Variants in ZNF334 observed in about 807,000 individuals in gnomAD.
ZNF334 encodes the protein zinc finger protein 334.
Under a neutral mutation model 12.4 loss-of-function variants are expected in ZNF334, and 14 were observed. The observed-to-expected ratio is 1.13, with a 90% CI of 0.74 to 1.76. The LOEUF (loss-of-function observed/expected upper bound fraction) is 1.76, where lower values mean the gene tolerates loss of function less well. Ranked by LOEUF, ZNF334 falls within the 40% of genes most tolerant of loss-of-function variation. The probability of loss-of-function intolerance (pLI) is 0.00; values close to 1 mark genes in which losing one functional copy is unlikely to be tolerated. For missense variants in ZNF334, 797 were observed against 804.5 expected (o/e 0.99, Z 0.11); for synonymous variants, 273 against 269.6 (o/e 1.01, Z -0.12).
At chr20:46,503,946 A>T (rs2061339962) in intron 4 of ZNF334, among the ~76,000 whole-genome samples, 1 of 152,232 alleles carries the variant, frequency 6.6e-6, no homozygotes, top group Non-Finnish European at 1.5e-5. Context: ...AATGCTACAG[A>T]AATAAAGTTT....
chr20:46,487,472 CTTT>C, the ZNF334 span, among the ~76,000 whole-genome samples: 6 of 152,074 alleles, frequency 3.9e-5, no homozygotes, highest in African/African-American at 9.7e-5. Flanking sequence ...GTATAATATT[CTTT>C]TTTATTATAG....
the ZNF334 span, among the ~76,000 whole-genome samples, chr20:46,487,546 T>C: frequency 6.6e-6 from 1 of 152,336 alleles, no homozygotes; most frequent in East Asian, 1.9e-4. Flanking sequence ...AGTTTCATAT[T>C]CTTGGAGTGT....
chr20:46,483,172 C>T, the ZNF334 span, among the ~76,000 whole-genome samples: 2 of 152,308 alleles, frequency 1.3e-5, no homozygotes, highest in East Asian at 3.9e-4. Context: ...GCAAGACTTG[C>T]TGCTAATATA....
At chr20:46,506,388 G>A in intron 2 of ZNF334, 1 of 539,738 alleles carries the variant, frequency 1.9e-6, no homozygotes, top group Admixed American at 3.2e-5. Context: ...CACTCTGAGA[G>A]GTTGAGGTAG....
the ZNF334 span, chr20:46,474,760 C>CAAAA: frequency 2.6e-5 from 4 of 152,216 alleles, no homozygotes; most frequent in African/African-American, 9.6e-5. Context: ...GCTAAACAGA[C>CAAAA]AAAGTCTTCA....
At chr20:46,464,479 C>A in the ZNF334 span, 3 of 517,138 alleles carry the variant, frequency 5.8e-6, no homozygotes, top group South Asian at 4.5e-5. Context: ...CCATGCAGAT[C>A]CCACACATCG....
the ZNF334 span, among the ~76,000 whole-genome samples, chr20:46,487,109 G>A: frequency 4.6e-5 from 7 of 151,786 alleles, no homozygotes; most frequent in Non-Finnish European, 7.4e-5. Context: ...GAAATCCTTC[G>A]TTTTTTATCA....
the ZNF334 span, among the ~76,000 whole-genome samples, chr20:46,473,371 T>A: frequency 6.6e-6 from 1 of 152,236 alleles, no homozygotes; most frequent in Non-Finnish European, 1.5e-5. Context: ...ATTTGGTATT[T>A]CTTTGTTTAT....
intron 2 of ZNF334, among the ~76,000 whole-genome samples, chr20:46,508,143 C>T (rs1466689462): frequency 6.6e-6 from 1 of 152,148 alleles, no homozygotes; most frequent in Non-Finnish European, 1.5e-5. Context: ...TCGATTCTCC[C>T]GGTGACTCAG....
chr20:46,490,900 C>T, the ZNF334 span: 3 of 152,352 alleles, frequency 2.0e-5, no homozygotes, highest in East Asian at 5.8e-4. Context: ...AAAGCTTTCA[C>T]CATGGAGAAT....
rs1165316815 is a variant in ZNF334, at chr20:46,513,117, G to C, written c.-616C>G. ...TCCAGCTCACATCCTTCTTCCGAAA[G>C]TTGAACTGAACTTTGCTGAGCTATA... On this transcript the variant is annotated 5_prime_UTR_variant, in exon 1 of 5. Coordinates refer to ENST00000692313, the MANE Select transcript of ZNF334 (RefSeq NM_001353824.2). The C allele has an allele frequency of 2.6e-5, 4 of 152,288 alleles. No homozygotes were observed. Among genetic ancestry groups the C allele is most frequent in the Non-Finnish European group, 5.9e-5 (4 of 68,086 alleles). The allele number at this position is 152,288 out of a possible 1,614,324, so 9.4% of individuals were successfully genotyped here.
intron 2 of ZNF334, chr20:46,506,433 C>A: frequency 2.3e-6 from 1 of 436,836 alleles, no homozygotes; most frequent in South Asian, 5.7e-5. Flanking sequence ...CAAGATCAGT[C>A]TGGGCAACAC....
chr20:46,509,557 T>C (rs992308047), intron 2 of ZNF334: 4 of 702,910 alleles, frequency 5.7e-6, no homozygotes, highest in African/African-American at 3.5e-5. Context: ...AAACTAACCT[T>C]GAAATAGTGC....
intron 2 of ZNF334, among the ~76,000 whole-genome samples, chr20:46,507,273 A>G (rs908654249): frequency 6.6e-6 from 1 of 152,088 alleles, no homozygotes; most frequent in African/African-American, 2.4e-5. Flanking sequence ...AAAGGAAATA[A>G]AGAAAAGGCT....
chr20:46,507,463 G>A (rs73303529), intron 2 of ZNF334, among the ~76,000 whole-genome samples: 6,530 of 152,264 alleles, frequency 0.043, 377 homozygotes, highest in African/African-American at 0.13. Context: ...ATTTGAATAC[G>A]ATAGATAATA....
rs553320235 is a variant in ZNF334, at chr20:46,500,307, A to G, written c.*989T>C. ...AAGGTAAACATTTCCCAATAACCCC[A>G]TAAAAGTGGCAATCCTACCTCATCA... On this transcript the variant is annotated 3_prime_UTR_variant, in exon 5 of 5. Transcript: ENST00000692313. The G allele has an allele frequency of 2.9e-4, 44 of 152,302 alleles. No homozygotes were observed. The highest frequency in any genetic ancestry group is 5.7e-4 in the Non-Finnish European group (39 of 68,026). The allele number at this position is 152,302 out of a possible 1,614,324, so 9.4% of individuals were successfully genotyped here.
chr20:46,464,875 C>T, the ZNF334 span: 21 of 535,288 alleles, frequency 3.9e-5, no homozygotes, highest in African/African-American at 9.6e-5. Flanking sequence ...TTTCCACAAG[C>T]GGTCCAACTA....
chr20:46,498,040 A>G (rs1189709999), downstream of ZNF334, among the ~76,000 whole-genome samples: 1 of 152,104 alleles, frequency 6.6e-6, no homozygotes, highest in Non-Finnish European at 1.5e-5. Flanking sequence ...CTTTGACTAC[A>G]CTTTACTCTC....
At chr20:46,488,419 T>TTTTA in the ZNF334 span, among the ~76,000 whole-genome samples, 24 of 102,226 alleles carry the variant, frequency 2.3e-4, no homozygotes, top group Admixed American at 2.1e-3. Flanking sequence ...AGCTCTTATT[T>TTTTA]TATATATATA....
Sources: gnomAD v4.1 joint callset for allele counts (sites outside exome capture counted in the v4.1 genomes callset) on GRCh38, gnomAD v4.1.1 for gene constraint, MANE v1.5 for transcripts, NCBI Gene and HGNC (gene_info 2026-07-23, HGNC 2026-07-21) for gene names.